The following CDK14 variants were observed in gnomAD, a reference collection of about 807,000 sequenced individuals.
The protein encoded by CDK14 is cyclin-dependent kinase 14.
A neutral mutation model predicts 60.7 loss-of-function variants in CDK14; 34 were observed. The observed-to-expected ratio is 0.56, with a 90% CI of 0.43 to 0.75. The LOEUF (loss-of-function observed/expected upper bound fraction) is 0.75. CDK14 is among the 30% of genes least tolerant of loss of function. The pLI is 0.00. For synonymous variants in CDK14, 197 were observed against 203.7 expected, an observed-to-expected ratio of 0.97 and a Z score of 0.28; for missense variants, 482 against 564.1, an observed-to-expected ratio of 0.85 and a Z score of 1.47.
At chr7:90,821,194 C>T (rs987444066) in intron 5 of CDK14, among the ~76,000 whole-genome samples, 4 of 152,122 alleles carry the variant, frequency 2.6e-5, no homozygotes, top group African/African-American at 7.2e-5. Flanking sequence ...CCCTGGAAAC[C>T]TATGTTGCAT....
At chr7:90,915,479 T>C (rs1206808074) in intron 7 of CDK14, among the ~76,000 whole-genome samples, 1 of 152,096 alleles carries the variant, frequency 6.6e-6, no homozygotes, top group Admixed American at 6.6e-5. Flanking sequence ...CCGGGGAATA[T>C]AGAGTAACAA....
chr7:90,602,381 T>C (rs1472892048), intron 1 of CDK14, among the ~76,000 whole-genome samples: 1 of 152,220 alleles, frequency 6.6e-6, no homozygotes, highest in Non-Finnish European at 1.5e-5. Context: ...AATTTCTTAT[T>C]CCTAAAAGTT....
chr7:91,147,960 A>G (rs1180163705), intron 14 of CDK14, among the ~76,000 whole-genome samples: 1 of 152,232 alleles, frequency 6.6e-6, no homozygotes, highest in Non-Finnish European at 1.5e-5. Flanking sequence ...TTATATGTCT[A>G]TCCACACACA....
At chr7:91,101,634 C>T (rs1391428394) in intron 12 of CDK14, among the ~76,000 whole-genome samples, 3 of 152,068 alleles carry the variant, frequency 2.0e-5, no homozygotes, top group African/African-American at 7.2e-5. Context: ...TGTTAAACAA[C>T]TCTGTGTCTT....
chr7:90,653,865 T>C (rs1800699561), intron 2 of CDK14, among the ~76,000 whole-genome samples: 1 of 152,162 alleles, frequency 6.6e-6, no homozygotes, highest in Non-Finnish European at 1.5e-5. Context: ...CCCCACCCTG[T>C]GTCCAAGTGT....
At chr7:91,102,522 A>G (rs980654627) in intron 12 of CDK14, among the ~76,000 whole-genome samples, 12 of 152,182 alleles carry the variant, frequency 7.9e-5, no homozygotes, top group Non-Finnish European at 1.6e-4. Context: ...ATAGAGATTT[A>G]GAAGCCACCC....
chr7:91,148,595 GC>G (rs1472078913), intron 14 of CDK14, among the ~76,000 whole-genome samples: 3 of 152,138 alleles, frequency 2.0e-5, no homozygotes, highest in African/African-American at 7.2e-5. Flanking sequence ...TGTCAGGTGA[GC>G]CATAGTGTCC....
intron 4 of CDK14, among the ~76,000 whole-genome samples, chr7:90,776,074 G>A (rs540648851): frequency 2.8e-4 from 43 of 152,102 alleles, no homozygotes; most frequent in African/African-American, 9.4e-4. Flanking sequence ...ATCAAACACG[G>A]CCCTTCTCTA....
intron 10 of CDK14, among the ~76,000 whole-genome samples, chr7:91,027,977 C>T (rs1796646227): frequency 8.0e-6 from 1 of 125,326 alleles, no homozygotes; most frequent in South Asian, 3.1e-4. Context: ...CCCCTTTCCC[C>T]TCTCCCCTGT....
chr7:91,155,650 A>G (rs1276840602), intron 14 of CDK14, among the ~76,000 whole-genome samples: 1 of 152,230 alleles, frequency 6.6e-6, no homozygotes, highest in African/African-American at 2.4e-5. Flanking sequence ...TTAAAAACAC[A>G]TGAACAAAAA....
At chr7:90,636,020 T>G (rs1800136923) in intron 2 of CDK14, among the ~76,000 whole-genome samples, 1 of 151,498 alleles carries the variant, frequency 6.6e-6, no homozygotes, top group Admixed American at 6.6e-5. Flanking sequence ...CTTATCAGCT[T>G]AAGGAGATTT....
At chr7:91,176,739 CT>C (rs1801774382) in intron 14 of CDK14, among the ~76,000 whole-genome samples, 1 of 151,394 alleles carries the variant, frequency 6.6e-6, no homozygotes, top group Non-Finnish European at 1.5e-5. Context: ...GACACATACA[CT>C]CTCCCAAGAC....
At chr7:90,680,588 A>G (rs1335306593) in intron 2 of CDK14, among the ~76,000 whole-genome samples, 4 of 152,196 alleles carry the variant, frequency 2.6e-5, no homozygotes, top group Non-Finnish European at 5.9e-5. Flanking sequence ...CTATTGGGTG[A>G]ATTAATCAGA....
At chr7:90,814,584 C>G (rs1205419912) in intron 5 of CDK14, among the ~76,000 whole-genome samples, 1 of 151,950 alleles carries the variant, frequency 6.6e-6, no homozygotes, top group Non-Finnish European at 1.5e-5. Flanking sequence ...GAGTTCGAGA[C>G]CAGCCTGGCC....
intron 11 of CDK14, among the ~76,000 whole-genome samples, chr7:91,059,601 G>A (rs57170625): frequency 1.6e-5 from 2 of 122,858 alleles, no homozygotes; most frequent in Admixed American, 1.7e-4. Context: ...TCTGGTATGT[G>A]GTGTCTTTGT....
intron 10 of CDK14, among the ~76,000 whole-genome samples, chr7:91,022,573 T>C (rs933264125): frequency 6.6e-6 from 1 of 152,232 alleles, no homozygotes; most frequent in Non-Finnish European, 1.5e-5. Context: ...AAAATATTTA[T>C]CTTATGCCAT....
At chr7:90,811,609 T>C (rs533009530) in intron 5 of CDK14, among the ~76,000 whole-genome samples, 1,511 of 150,844 alleles carry the variant, frequency 0.01, 24 homozygotes, top group African/African-American at 0.034. Flanking sequence ...AAGCCAAAAT[T>C]GACAAATGGG....
At chr7:91,099,955 A>G (rs1266343958) in intron 12 of CDK14, among the ~76,000 whole-genome samples, 2 of 152,140 alleles carry the variant, frequency 1.3e-5, no homozygotes, top group East Asian at 3.8e-4. Flanking sequence ...AGTTATTGTA[A>G]ATGTATTTTT....
At chr7:90,936,725 G>C (rs1347215528) in intron 8 of CDK14, among the ~76,000 whole-genome samples, 1 of 152,144 alleles carries the variant, frequency 6.6e-6, no homozygotes, top group Non-Finnish European at 1.5e-5. Flanking sequence ...ACTGCTCCCT[G>C]ATTTACCACT....
Sources: gnomAD v4.1 joint callset for allele counts (sites outside exome capture counted in the v4.1 genomes callset) on GRCh38, gnomAD v4.1.1 for gene constraint, MANE v1.5 for transcripts, NCBI Gene and HGNC (gene_info 2026-07-23, HGNC 2026-07-21) for gene names.